Variants in AOAH observed in about 807,000 individuals in gnomAD.
The protein encoded by AOAH is acyloxyacyl hydrolase, also known as acyloxyacyl hydrolase (neutrophil).
Under a neutral mutation model 92.2 loss-of-function variants are expected in AOAH, and 64 were observed. The observed-to-expected ratio is 0.69, with a 90% CI of 0.57 to 0.86. The LOEUF (loss-of-function observed/expected upper bound fraction) is 0.86. AOAH is among the 40% of genes least tolerant of loss of function. The pLI is 0.00. For synonymous variants in AOAH, 263 were observed against 254.5 expected, an observed-to-expected ratio of 1.03 and a Z score of -0.32; for missense variants, 656 against 694.6, an observed-to-expected ratio of 0.94 and a Z score of 0.62.
At chr7:36,659,312 A>G (rs184995787) in intron 3 of AOAH, 47 bp from the exon 4 acceptor site, 929 of 1,456,774 alleles carry the variant, frequency 6.4e-4, no homozygotes, top group Non-Finnish European at 8.1e-4. Context: ...TCTCTTAGGC[A>G]TTAGGAAACA....
chr7:36,604,652 G>A (rs946935646), intron 11 of AOAH, among the ~76,000 whole-genome samples: 3 of 152,208 alleles, frequency 2.0e-5, no homozygotes, highest in Non-Finnish European at 2.9e-5. Flanking sequence ...CAGGTGACAG[G>A]TGGCAGGATT....
chr7:36,515,292 CCA>C (rs1196172985), intron 20 of AOAH, among the ~76,000 whole-genome samples: 2 of 121,642 alleles, frequency 1.6e-5, no homozygotes, highest in African/African-American at 3.2e-5. Flanking sequence ...TACACACACA[CCA>C]CACACACACT....
At chr7:36,645,669 T>G (rs1584020936) in intron 4 of AOAH, among the ~76,000 whole-genome samples, 2 of 152,168 alleles carry the variant, frequency 1.3e-5, no homozygotes, top group East Asian at 3.9e-4. Context: ...TGTAGCTCTA[T>G]CAAAGCCTAA....
intron 11 of AOAH, among the ~76,000 whole-genome samples, chr7:36,608,597 G>A (rs1791170561): frequency 6.6e-6 from 1 of 152,206 alleles, no homozygotes; most frequent in Non-Finnish European, 1.5e-5. Flanking sequence ...AAAGCTCAGA[G>A]TAAAGAAGTG....
intron 13 of AOAH, among the ~76,000 whole-genome samples, chr7:36,570,361 G>A (rs1023537723): frequency 6.6e-6 from 1 of 152,184 alleles, no homozygotes; most frequent in Admixed American, 6.5e-5. Context: ...TTTAAAGGCT[G>A]AATAGTATTC....
chr7:36,540,296 T>TA, intron 16 of AOAH, 23 bp downstream of exon 16: 1 of 1,588,484 alleles, frequency 6.3e-7, no homozygotes. Context: ...TATTAAAGAG[T>TA]AAAAGAATCT....
Position 36,559,375 on chromosome 7 carries a change from C to T in AOAH, c.1022-9900G>A, listed in dbSNP as rs566750179. Among the ~76,000 whole-genome samples, 5 of 152,294 alleles carry T rather than the reference C, an allele frequency of 3.3e-5. No homozygotes were observed. In the South Asian group the frequency reaches 1.0e-3, roughly 32 times the overall value. On this transcript the variant is annotated intron_variant, in intron 13 of 20. Coordinates refer to ENST00000617537, the MANE Select transcript of AOAH (RefSeq NM_001637.4). Reference sequence around the variant, plus strand: ...TTACATTCCCACCAGTAGCGTATAACCATTCCTTTTTCTCTGCAGCCATGT... The same window carrying T: ...TTACATTCCCACCAGTAGCGTATAATCATTCCTTTTTCTCTGCAGCCATGT...
intron 13 of AOAH, among the ~76,000 whole-genome samples, chr7:36,558,661 A>G (rs560553796): frequency 1.1e-3 from 175 of 152,346 alleles, no homozygotes; most frequent in African/African-American, 4.1e-3. Context: ...TTGTTTACCT[A>G]AGCAAGCCTG....
At chr7:36,709,887 G>A (rs1338315202) in intron 1 of AOAH, among the ~76,000 whole-genome samples, 1 of 151,972 alleles carries the variant, frequency 6.6e-6, no homozygotes, top group African/African-American at 2.4e-5. Flanking sequence ...AACCCCCAAA[G>A]CCCAAAAAAC....
intron 20 of AOAH, among the ~76,000 whole-genome samples, chr7:36,518,134 A>G (rs908223462): frequency 3.9e-5 from 6 of 152,118 alleles, no homozygotes; most frequent in African/African-American, 1.4e-4. Context: ...GTCTTATCCT[A>G]TATACTTTGC....
At chr7:36,575,773 C>T (rs958701830) in intron 13 of AOAH, among the ~76,000 whole-genome samples, 8 of 152,162 alleles carry the variant, frequency 5.3e-5, no homozygotes, top group African/African-American at 1.2e-4. Context: ...TTAGTTTAAA[C>T]GCTTGTTGCT....
intron 13 of AOAH, among the ~76,000 whole-genome samples, chr7:36,559,745 C>T (rs1373075231): frequency 1.3e-5 from 2 of 151,996 alleles, no homozygotes; most frequent in Non-Finnish European, 2.9e-5. Context: ...TTAATTAGGT[C>T]CCACTTGTCA....
chr7:36,674,694 A>G (rs768309764), intron 2 of AOAH, among the ~76,000 whole-genome samples: 1 of 152,186 alleles, frequency 6.6e-6, no homozygotes, highest in African/African-American at 2.4e-5. Context: ...TGGTAATTCA[A>G]CTCAGGATCT....
intron 12 of AOAH, among the ~76,000 whole-genome samples, 191 bp downstream of exon 12, chr7:36,594,148 A>G (rs1789933777): frequency 1.3e-5 from 2 of 152,174 alleles, no homozygotes; most frequent in African/African-American, 4.8e-5. Flanking sequence ...TAGCAGGAAT[A>G]TGCTTTTCTT....
chr7:36,517,230 C>CTCTG, intron 20 of AOAH, among the ~76,000 whole-genome samples: 1 of 83,172 alleles, frequency 1.2e-5, no homozygotes, highest in African/African-American at 5.2e-5. Flanking sequence ...CTTTCTGTCT[C>CTCTG]TCTCTCTCTC....
At chr7:36,639,150 C>T (rs1052869746) in intron 4 of AOAH, among the ~76,000 whole-genome samples, 1 of 152,196 alleles carries the variant, frequency 6.6e-6, no homozygotes, top group Admixed American at 6.5e-5. Context: ...AGAGAATGAC[C>T]CCATTCAAAA....
chr7:36,558,345 A>G (rs935415594), intron 13 of AOAH, among the ~76,000 whole-genome samples: 1 of 152,126 alleles, frequency 6.6e-6, no homozygotes, highest in Admixed American at 6.6e-5. Flanking sequence ...TTCCTCTGGA[A>G]GTTTTGTCTC....
intron 2 of AOAH, among the ~76,000 whole-genome samples, chr7:36,675,025 C>T (rs765189303): frequency 2.6e-5 from 4 of 152,200 alleles, no homozygotes; most frequent in South Asian, 2.1e-4. Context: ...GAGGGCAAGG[C>T]GGGTAGATCG....
intron 4 of AOAH, among the ~76,000 whole-genome samples, chr7:36,658,283 T>C (rs1795007645): frequency 6.6e-6 from 1 of 152,178 alleles, no homozygotes; most frequent in Admixed American, 6.5e-5. Context: ...CACAAAGCAC[T>C]AAAATGAACT....
Sources: allele counts gnomAD v4.1 joint callset (sites outside exome capture counted in the v4.1 genomes callset), GRCh38; gene constraint gnomAD v4.1.1; transcripts MANE v1.5; gene names NCBI Gene and HGNC (gene_info 2026-07-23, HGNC 2026-07-21).